LAMA2: variants seen among roughly 807,000 people sequenced by gnomAD.
The protein encoded by LAMA2 is laminin subunit alpha-2.
In LAMA2, 269 loss-of-function variants were observed where a neutral mutation model predicts 364.8. The observed-to-expected ratio is 0.74, with a 90% CI of 0.67 to 0.82. The LOEUF is 0.82. Among genes scored for constraint, LAMA2 ranks in the 40% least tolerant of loss-of-function variants. The probability of loss-of-function intolerance (pLI) is 0.00; values close to 1 mark genes in which losing one functional copy is unlikely to be tolerated. For missense variants in LAMA2, 3,807 were observed against 3,873.2 expected (o/e 0.98, Z 0.45); for synonymous variants, 1,379 against 1,370.6 (o/e 1.01, Z -0.14).
chr6:129,240,264 C>T (rs1388302287), intron 12 of LAMA2, among the ~76,000 whole-genome samples: 2 of 152,180 alleles, frequency 1.3e-5, no homozygotes, highest in African/African-American at 4.8e-5. Flanking sequence ...TTCTGTCTTT[C>T]CCAGCCCTCT....
At chr6:129,240,426 GA>G (rs1348024876) in intron 12 of LAMA2, among the ~76,000 whole-genome samples, 9 of 152,176 alleles carry the variant, frequency 5.9e-5, no homozygotes, top group Non-Finnish European at 1.0e-4. Flanking sequence ...TGAACAGTGA[GA>G]TTTTTTTTCT....
intron 22 of LAMA2, among the ~76,000 whole-genome samples, chr6:129,307,070 A>C (rs1008229601): frequency 1.3e-5 from 2 of 152,112 alleles, no homozygotes; most frequent in African/African-American, 2.4e-5. Context: ...GTATTTCTTT[A>C]AAGAATGTTG....
At chr6:129,321,047 A>G (rs991980429) in intron 28 of LAMA2, among the ~76,000 whole-genome samples, 3 of 152,228 alleles carry the variant, frequency 2.0e-5, no homozygotes, top group Admixed American at 1.3e-4. Flanking sequence ...AAACTTGTAC[A>G]CTAAATAGCA....
chr6:129,273,519 T>A (rs1788086393), intron 17 of LAMA2, among the ~76,000 whole-genome samples: 1 of 152,186 alleles, frequency 6.6e-6, no homozygotes, highest in African/African-American at 2.4e-5. Context: ...CCCTCAAGTC[T>A]GACCAACATT....
intron 33 of LAMA2, among the ~76,000 whole-genome samples, chr6:129,368,543 ATAAAT>A (rs1169686132): frequency 1.3e-5 from 2 of 152,230 alleles, no homozygotes; most frequent in Non-Finnish European, 2.9e-5. Context: ...ATACAGAAAA[ATAAAT>A]TAAACTAGAA....
intron 1 of LAMA2, among the ~76,000 whole-genome samples, chr6:128,962,155 T>TATAA (rs1781563210): frequency 9.8e-6 from 1 of 101,646 alleles, no homozygotes; most frequent in African/African-American, 4.4e-5. Context: ...TATATATATA[T>TATAA]ATATATATAT....
chr6:129,391,792 CATCTATCT>C (rs10648375), intron 36 of LAMA2, 139 bp downstream of exon 36: 23 of 681,642 alleles, frequency 3.4e-5, no homozygotes, highest in East Asian at 1.4e-4. Flanking sequence ...TGTTATCTAT[CATCTATCT>C]ATCTATCTAT....
At chr6:129,469,973 C>A (rs551517013) in intron 51 of LAMA2, among the ~76,000 whole-genome samples, 1 of 151,902 alleles carries the variant, frequency 6.6e-6, no homozygotes, top group African/African-American at 2.4e-5. Context: ...GGAGGGATTA[C>A]AAATGAGCAT....
intron 55 of LAMA2, among the ~76,000 whole-genome samples, chr6:129,485,862 C>T (rs887699209): frequency 6.6e-6 from 1 of 152,172 alleles, no homozygotes; most frequent in Non-Finnish European, 1.5e-5. Flanking sequence ...GTGGCATCAG[C>T]TCTAGGGACA....
At chr6:129,273,531 C>T (rs1397161369) in intron 17 of LAMA2, among the ~76,000 whole-genome samples, 1 of 152,126 alleles carries the variant, frequency 6.6e-6, no homozygotes, top group African/African-American at 2.4e-5. Context: ...ACCAACATTA[C>T]TATAAATGCA....
At chr6:129,453,469 C>T (rs1220561126) in intron 46 of LAMA2, among the ~76,000 whole-genome samples, 1 of 152,092 alleles carries the variant, frequency 6.6e-6, no homozygotes, top group Non-Finnish European at 1.5e-5. Context: ...ATCTTATTTA[C>T]TGTTCAAACT....
At chr6:128,906,033 G>C (rs368167658) in intron 1 of LAMA2, among the ~76,000 whole-genome samples, 3 of 146,292 alleles carry the variant, frequency 2.1e-5, no homozygotes, top group Non-Finnish European at 4.5e-5. Flanking sequence ...CCAGTCTATC[G>C]TTGTTGGACA....
intron 12 of LAMA2, among the ~76,000 whole-genome samples, chr6:129,236,318 A>G (rs753149298): frequency 7.9e-5 from 12 of 152,116 alleles, no homozygotes; most frequent in Non-Finnish European, 1.3e-4. Context: ...TTCATATTCT[A>G]TATTTTGGTT....
chr6:129,288,900 A>T (rs1048778208), intron 19 of LAMA2, among the ~76,000 whole-genome samples: 3 of 152,176 alleles, frequency 2.0e-5, no homozygotes, highest in Non-Finnish European at 4.4e-5. Context: ...CTATCCATTC[A>T]TTTCTGTCAA....
intron 1 of LAMA2, among the ~76,000 whole-genome samples, chr6:128,895,278 T>C (rs527333662): frequency 1.3e-5 from 2 of 152,160 alleles, no homozygotes; most frequent in African/African-American, 4.8e-5. Flanking sequence ...GCCCAAACTA[T>C]AGTAGAGATA....
At chr6:129,187,528 C>G (rs552807806) in intron 10 of LAMA2, among the ~76,000 whole-genome samples, 1 of 151,670 alleles carries the variant, frequency 6.6e-6, no homozygotes, top group African/African-American at 2.4e-5. Context: ...AATGAACAAC[C>G]GCTAATGACT....
chr6:129,110,335 T>C (rs1386645912), intron 4 of LAMA2, among the ~76,000 whole-genome samples: 1 of 152,030 alleles, frequency 6.6e-6, no homozygotes, highest in Non-Finnish European at 1.5e-5. Context: ...AAAACTCATA[T>C]TATGACATCT....
intron 56 of LAMA2, 136 bp from the exon 57 acceptor site, chr6:129,491,765 G>A (rs936103673): frequency 1.4e-6 from 1 of 719,736 alleles, no homozygotes; most frequent in East Asian, 2.7e-5. Context: ...GCTTAGTGTA[G>A]AATTCCTAAG....
intron 3 of LAMA2, among the ~76,000 whole-genome samples, chr6:129,081,344 TAACA>T (rs1774044047): frequency 2.0e-5 from 3 of 152,240 alleles, no homozygotes; most frequent in Admixed American, 2.0e-4. Context: ...TATACATATG[TAACA>T]AACCTGCACA....
Sources: gnomAD v4.1 joint callset for allele counts (sites outside exome capture counted in the v4.1 genomes callset) on GRCh38, gnomAD v4.1.1 for gene constraint, MANE v1.5 for transcripts, NCBI Gene and HGNC (gene_info 2026-07-23, HGNC 2026-07-21) for gene names.